Variants in GRID2IP observed in about 807,000 individuals in gnomAD.
GRID2IP encodes the protein Grid2 interacting protein.
A neutral mutation model predicts 114.3 loss-of-function variants in GRID2IP; 78 were observed. The observed-to-expected ratio is 0.68, with a 90% CI of 0.57 to 0.82. GRID2IP has a LOEUF of 0.82. Among genes scored for constraint, GRID2IP ranks in the 40% least tolerant of loss-of-function variants. GRID2IP has a pLI of 0.00. For missense variants in GRID2IP, 1,727 were observed against 1,678.5 expected (o/e 1.03, Z -0.51); for synonymous variants, 809 against 724.0 (o/e 1.12, Z -1.89).
intron 1 of GRID2IP, among the ~76,000 whole-genome samples, chr7:6,543,768 C>G (rs1303862927): frequency 6.6e-6 from 1 of 151,784 alleles, no homozygotes; most frequent in Non-Finnish European, 1.5e-5. Context: ...CGCCACTGTG[C>G]TTGGCTAATT....
At chr7:6,500,707 A>G (rs1361443489) in intron 20 of GRID2IP, among the ~76,000 whole-genome samples, 1 of 152,216 alleles carries the variant, frequency 6.6e-6, no homozygotes, top group South Asian at 2.1e-4. Flanking sequence ...CACAGCCCCC[A>G]GAGCTCTCCC....
Position 6,526,036 on chromosome 7 carries a change from G to A in GRID2IP, c.919+188C>T, listed in dbSNP as rs1779504412. ...CTCTGGCCTCAAGCATCTTAGGTAG[G>A]AATGGGATTCAGATCTGCTGGCTCT... On this transcript the variant is annotated intron_variant, in intron 4 of 21. Transcript: ENST00000457091. This position sits in a 1 kb window ranked among gnomAD's most constrained non-coding sequence, Gnocchi z 7.6. Among the ~76,000 whole-genome samples the A allele has an allele frequency of 6.6e-6, 1 of 152,164 alleles. No individual in the cohort carries two copies. Among genetic ancestry groups the A allele is most frequent in the East Asian group, 1.9e-4 (1 of 5,174 alleles).
rs540580671 is a variant in GRID2IP at position 6,498,186 on chromosome 7, C to T, written c.3442G>A (p.Gly1148Arg). 7 of 1,550,252 alleles carry T rather than the reference C, an allele frequency of 4.5e-6. No individual in the cohort carries two copies. In the East Asian group the frequency reaches 9.8e-5, roughly 22 times the overall value. The change falls in exon 21 of 22, where the codon GGG (glycine) becomes AGG (arginine). Residue 1148 changes from glycine (G) to arginine (R), a missense_variant. By Grantham distance (125) the Gly-to-Arg change is moderately radical (BLOSUM62 -2). Transcript: ENST00000457091. ...TCCTCCATGGCCTCGCGCTGCAGCC[C>T]GTCGAGCGCCCGAAGTGCTGGCTGG... ...TAQPALRALD[G>R]LQREAMEELG...
At chr7:6,505,775 A>G (rs1239715263) in intron 14 of GRID2IP, 45 bp downstream of exon 14, 1 of 1,263,800 alleles carries the variant, frequency 7.9e-7, no homozygotes, top group Admixed American at 2.0e-5. Flanking sequence ...GCTGCCACAG[A>G]TGGTGTGGTA....
chr7:6,498,908 A>G (rs1786337298), intron 20 of GRID2IP, among the ~76,000 whole-genome samples: 1 of 152,074 alleles, frequency 6.6e-6, no homozygotes, highest in Non-Finnish European at 1.5e-5. Context: ...TGTTTTCTAG[A>G]GCATTTGTCA....
chr7:6,498,571 ACT>A (rs1491099642), intron 20 of GRID2IP, among the ~76,000 whole-genome samples: 1 of 97,580 alleles, frequency 1.0e-5, no homozygotes, highest in African/African-American at 4.6e-5. Context: ...TCTAGGCCTT[ACT>A]TTTTTTTTTT....
chr7:6,531,501 A>ATGCAATATTT (rs1290696482), intron 2 of GRID2IP, among the ~76,000 whole-genome samples: 1 of 152,216 alleles, frequency 6.6e-6, no homozygotes, highest in Non-Finnish European at 1.5e-5. Flanking sequence ...TTGGTAGAAC[A>ATGCAATATTT]TGCAATATTT....
Position 6,508,174 on chromosome 7 carries a change from G to C in GRID2IP, c.2355C>G (p.Ala785=). The change falls in exon 13 of 22, where the codon GCC becomes GCG. Residue 785 remains alanine (A), a synonymous_variant. Coordinates refer to ENST00000457091, the MANE Select transcript of GRID2IP (RefSeq NM_001145118.2). The surrounding 1 kb of genome is among the most constrained non-coding windows in gnomAD (Gnocchi z 5.6). ...GGTGGCTGAGTTGGGTGAGGGGCTT[G>C]GCCAGCGCCTGAGCAGGGCCCCGGG... is the stretch of plus-strand genomic sequence containing the variant. ...DGSRGPAQAL[A]KPLTQLSHPV... is the part of the protein sequence containing the mutation. 1 of 1,510,654 alleles carries C rather than the reference G, an allele frequency of 6.6e-7. No individual in the cohort carries two copies. 93.6% of individuals were successfully genotyped at this position (1,510,654 alleles called of 1,614,324 possible).
chr7:6,546,000 A>C (rs899686698), intron 1 of GRID2IP, among the ~76,000 whole-genome samples: 1 of 152,086 alleles, frequency 6.6e-6, no homozygotes, highest in African/African-American at 2.4e-5. Flanking sequence ...CCCGTGCTAC[A>C]GTGCGGTTTC....
chr7:6,529,091 C>T (rs557480404), intron 2 of GRID2IP, among the ~76,000 whole-genome samples: 115 of 152,274 alleles, frequency 7.6e-4, no homozygotes, highest in Non-Finnish European at 1.3e-3. Flanking sequence ...ATGCACCCAA[C>T]CCTTGAGTCC....
At position 6,508,289 on chromosome 7, in the gene GRID2IP, T is replaced by G; in HGVS notation, c.2240A>C (p.Asp747Ala). ...GSSLTYSSIS[D>A]HIPPPPLSPP... ...GCTGAGCGGGGGTGGGGGGATGTGG[T>G]CAGAGATGGAGGAGTAGGTCAGGGA... Residue 747 changes from aspartate to alanine, a missense_variant, in exon 13 of 22, where the codon GAC becomes GCC. By Grantham distance (126) the Asp-to-Ala change is moderately radical. Transcript: ENST00000457091. The surrounding 1 kb of genome is among the most constrained non-coding windows in gnomAD (Gnocchi z 5.6). The G allele has an allele frequency of 6.5e-7, 1 of 1,548,174 alleles. No homozygotes were observed. Among genetic ancestry groups the G allele is most frequent in the Non-Finnish European group, 8.7e-7 (1 of 1,146,274 alleles).
intron 2 of GRID2IP, among the ~76,000 whole-genome samples, chr7:6,535,387 T>C (rs1040967333): frequency 9.9e-5 from 15 of 152,212 alleles, no homozygotes; most frequent in Non-Finnish European, 1.8e-4. Context: ...ATGGCCCAGC[T>C]TCATGGTGTC....
chr7:6,514,026 G>A (rs1388765121), intron 8 of GRID2IP, among the ~76,000 whole-genome samples: 1 of 152,004 alleles, frequency 6.6e-6, no homozygotes, highest in Admixed American at 6.6e-5. Context: ...GGCCGAGGTG[G>A]GTGGATCATG....
At chr7:6,542,784 A>C (rs1779833164) in intron 1 of GRID2IP, among the ~76,000 whole-genome samples, 1 of 152,178 alleles carries the variant, frequency 6.6e-6, no homozygotes, top group African/African-American at 2.4e-5. Flanking sequence ...AATCCTGTGA[A>C]TATATTAAAA....
chr7:6,526,996 C>T lies in GRID2IP; in HGVS notation c.585-227G>A, dbSNP rs1210964766. 6.6e-6 allele frequency among the ~76,000 whole-genome samples: 1 copy of T among 152,176 alleles called. No homozygotes were observed. Among genetic ancestry groups the T allele is most frequent in the Non-Finnish European group, 1.5e-5 (1 of 68,030 alleles). Reference sequence around the variant, plus strand: ...GGACTTGGCGTCCTGCTCGCTTCACCTCGGGAATGGCCCGTTCGGACCGTC... The same window carrying T: ...GGACTTGGCGTCCTGCTCGCTTCACTTCGGGAATGGCCCGTTCGGACCGTC... On this transcript the variant is annotated intron_variant, in intron 2 of 21. Coordinates refer to ENST00000457091, the MANE Select transcript of GRID2IP (RefSeq NM_001145118.2). This position sits in a 1 kb window ranked among gnomAD's most constrained non-coding sequence, Gnocchi z 7.6.
Position 6,521,383 on chromosome 7 carries a change from AG to A in GRID2IP, c.1084+45del. On this transcript the variant is annotated intron_variant, in intron 6 of 21. Coordinates refer to ENST00000457091, the MANE Select transcript of GRID2IP (RefSeq NM_001145118.2). The surrounding 1 kb of genome is among the most constrained non-coding windows in gnomAD (Gnocchi z 4.1). Reference sequence around the variant, plus strand: ...GACTCTCACATATAGCAGCCTGGGCAGGGTCTCTGGGGGCCAAGGAAGCCAA... The same window carrying A: ...GACTCTCACATATAGCAGCCTGGGCAGGTCTCTGGGGGCCAAGGAAGCCAA... 2 of 1,351,264 alleles carry A rather than the reference AG, an allele frequency of 1.5e-6. No individual in the cohort carries two copies. Among genetic ancestry groups the A allele is most frequent in the Non-Finnish European group, 2.0e-6 (2 of 985,974 alleles). The allele number at this position is 1,351,264 out of a possible 1,614,324, so 83.7% of individuals were successfully genotyped here.
intron 1 of GRID2IP, among the ~76,000 whole-genome samples, chr7:6,547,371 T>A (rs572919999): frequency 6.6e-6 from 1 of 151,298 alleles, no homozygotes; most frequent in African/African-American, 2.4e-5. Flanking sequence ...CAAGACCTCA[T>A]CTCCCCAGTC....
chr7:6,540,311 C>T (rs1188939972), intron 1 of GRID2IP, among the ~76,000 whole-genome samples: 4 of 151,652 alleles, frequency 2.6e-5, no homozygotes, highest in African/African-American at 9.7e-5. Context: ...AGGGTTTCTC[C>T]ATGTTGGTCA....
chr7:6,540,427 T>C (rs890748207), intron 1 of GRID2IP, among the ~76,000 whole-genome samples: 1 of 152,090 alleles, frequency 6.6e-6, no homozygotes, highest in African/African-American at 2.4e-5. Context: ...ATGCCATTTC[T>C]AACCATGTAT....
Sources: allele counts gnomAD v4.1 joint callset (sites outside exome capture counted in the v4.1 genomes callset), GRCh38; gene constraint gnomAD v4.1.1; non-coding constraint Gnocchi (gnomAD v3.1); transcripts MANE v1.5; gene names NCBI Gene and HGNC (gene_info 2026-07-23, HGNC 2026-07-21).